The following EHBP1 variants were observed in gnomAD, a reference collection of about 807,000 sequenced individuals.
The protein encoded by EHBP1 is EH domain binding protein 1.
A neutral mutation model predicts 144.0 loss-of-function variants in EHBP1; 55 were observed. The observed-to-expected ratio is 0.38, with a 90% confidence interval of 0.31 to 0.48. The LOEUF (loss-of-function observed/expected upper bound fraction) is 0.48. Among genes scored for constraint, EHBP1 ranks in the 20% least tolerant of loss-of-function variants. The probability of loss-of-function intolerance (pLI) is 0.98; values close to 1 mark genes in which losing one functional copy is unlikely to be tolerated. For missense variants in EHBP1, 1,200 were observed against 1,364.2 expected, an observed-to-expected ratio of 0.88 and a Z score of 1.90; for synonymous variants, 469 against 472.7, an observed-to-expected ratio of 0.99 and a Z score of 0.10.
At chr2:62,805,407 G>A (rs1414198255) in intron 5 of EHBP1, among the ~76,000 whole-genome samples, 6 of 149,440 alleles carry the variant, frequency 4.0e-5, no homozygotes, top group South Asian at 2.1e-4. Context: ...ACAACAAAAT[G>A]TAAAAATACA....
In EHBP1 at chr2:62,706,978, A is replaced by T. The variant is rs776976870; in HGVS notation, c.-214A>T. ...GGAACCCCTTCCCACTCATCCTGTC[A>T]CGTATATCATAGTGTTCTTGACTGG... On this transcript the variant is annotated 5_prime_UTR_variant, in exon 2 of 23. Transcript: ENST00000431489. 2.5e-5 allele frequency: 13 copies of T among 512,942 alleles called. No homozygotes were observed. The highest frequency in any genetic ancestry group is 3.9e-5 in the African/African-American group (2 of 51,872). 31.8% of individuals were successfully genotyped at this position (512,942 alleles called of 1,614,324 possible).
chr2:63,044,282 C>G (rs1341326395), intron 21 of EHBP1: 1 of 145,994 alleles, frequency 6.8e-6, no homozygotes, highest in African/African-American at 2.6e-5. Context: ...AAAAAAAACG[C>G]CCCCCATCCA....
chr2:62,989,712 A>G (rs2059338911), intron 15 of EHBP1, among the ~76,000 whole-genome samples: 1 of 152,182 alleles, frequency 6.6e-6, no homozygotes, highest in Admixed American at 6.6e-5. Context: ...TTGTGGCAAT[A>G]AGAAATAGGA....
At chr2:62,787,272 T>C (rs903090299) in intron 5 of EHBP1, among the ~76,000 whole-genome samples, 1 of 152,128 alleles carries the variant, frequency 6.6e-6, no homozygotes, top group African/African-American at 2.4e-5. Flanking sequence ...ACAATGGTTC[T>C]AAAGTTATAT....
chr2:62,739,646 A>G (rs1558583076), intron 2 of EHBP1, among the ~76,000 whole-genome samples: 1 of 152,188 alleles, frequency 6.6e-6, no homozygotes, highest in Non-Finnish European at 1.5e-5. Flanking sequence ...AAATATCCTT[A>G]TATTAGAAAA....
Position 62,711,242 on chromosome 2 carries a change from C to T in EHBP1, c.104+3947C>T, listed in dbSNP as rs568646764. On this transcript the variant is annotated intron_variant, in intron 2 of 22. Transcript: ENST00000431489. The stretch of plus-strand genomic sequence containing the variant: ...GTAAAATGCATCCATTTTAAGTGTA[C>T]AGTTCAGTGAGTTTTGACAATTTTA... 1.6e-4 allele frequency among the ~76,000 whole-genome samples: 24 copies of T among 152,270 alleles called. No homozygotes were observed. The South Asian group carries it at 2.5e-3, about 16-fold the overall frequency.
chr2:62,713,351 C>T (rs1314042921), intron 2 of EHBP1, among the ~76,000 whole-genome samples: 1 of 151,428 alleles, frequency 6.6e-6, no homozygotes, highest in Non-Finnish European at 1.5e-5. Context: ...AAGTGATTCT[C>T]ATGCCTCAGC....
At chr2:62,692,236 T>C (rs2033932369) in intron 1 of EHBP1, among the ~76,000 whole-genome samples, 1 of 152,250 alleles carries the variant, frequency 6.6e-6, no homozygotes, top group South Asian at 2.1e-4. Flanking sequence ...CTGAAAAATA[T>C]TCCATTGTAT....
At chr2:62,697,105 T>C (rs1052083064) in intron 1 of EHBP1, among the ~76,000 whole-genome samples, 3 of 152,234 alleles carry the variant, frequency 2.0e-5, no homozygotes, top group Non-Finnish European at 4.4e-5. Context: ...TCAGATTGTT[T>C]TGGCTGATGT....
chr2:62,813,907 G>A (rs2045249420), intron 5 of EHBP1, among the ~76,000 whole-genome samples: 1 of 152,180 alleles, frequency 6.6e-6, no homozygotes, highest in Non-Finnish European at 1.5e-5. Flanking sequence ...CATCTGGAGA[G>A]GAATTTGCCT....
intron 19 of EHBP1, among the ~76,000 whole-genome samples, chr2:63,019,885 AAGGAAGG>A (rs1394000265): frequency 1.4e-5 from 2 of 144,850 alleles, no homozygotes; most frequent in Admixed American, 6.8e-5. Context: ...GGAAGGAAGG[AAGGAAGG>A]AAAAAAAAAT....
chr2:62,847,571 G>A (rs934488099), intron 7 of EHBP1, among the ~76,000 whole-genome samples: 7 of 152,200 alleles, frequency 4.6e-5, no homozygotes, highest in East Asian at 3.9e-4. Flanking sequence ...ATAGTGGCAC[G>A]CACCTATAGT....
intron 7 of EHBP1, among the ~76,000 whole-genome samples, chr2:62,840,096 A>G (rs2152710300): frequency 6.6e-6 from 1 of 151,734 alleles, no homozygotes; most frequent in South Asian, 2.1e-4. Context: ...CTATACTACA[A>G]GGCTACAGTA....
At chr2:62,826,918 A>G (rs1029267881) in intron 6 of EHBP1, among the ~76,000 whole-genome samples, 2 of 152,244 alleles carry the variant, frequency 1.3e-5, no homozygotes, top group East Asian at 1.9e-4. Context: ...ATTGCATACA[A>G]TCAAGTCAGG....
intron 2 of EHBP1, among the ~76,000 whole-genome samples, chr2:62,726,150 C>T (rs2036768185): frequency 6.6e-6 from 1 of 152,136 alleles, no homozygotes; most frequent in Non-Finnish European, 1.5e-5. Flanking sequence ...CTGGCTGTGC[C>T]CTATTACAGA....
intron 7 of EHBP1, among the ~76,000 whole-genome samples, chr2:62,833,828 G>C (rs1223866749): frequency 1.3e-5 from 2 of 152,182 alleles, no homozygotes; most frequent in African/African-American, 4.8e-5. Context: ...TCTAGGCCAA[G>C]TCAATTGAAA....
At chr2:62,871,243 A>G (rs2050456261) in intron 9 of EHBP1, among the ~76,000 whole-genome samples, 1 of 152,220 alleles carries the variant, frequency 6.6e-6, no homozygotes, top group Admixed American at 6.5e-5. Flanking sequence ...TTATTAACAA[A>G]TTAAAGAGAC....
chr2:63,042,667 TACTC>T (rs1574600530), intron 21 of EHBP1, among the ~76,000 whole-genome samples: 1 of 151,998 alleles, frequency 6.6e-6, no homozygotes. Context: ...TATTTTAAAT[TACTC>T]AATACTTCAA....
At chr2:62,681,331 T>C (rs2033507695) in intron 1 of EHBP1, among the ~76,000 whole-genome samples, 1 of 103,142 alleles carries the variant, frequency 9.7e-6, no homozygotes, top group Non-Finnish European at 1.9e-5. Context: ...TTTGTATGTA[T>C]GTGTGTGTGT....
Sources: allele counts gnomAD v4.1 joint callset (sites outside exome capture counted in the v4.1 genomes callset), GRCh38; gene constraint gnomAD v4.1.1; transcripts MANE v1.5; gene names NCBI Gene and HGNC (gene_info 2026-07-23, HGNC 2026-07-21).